The following AHDC1 variants were observed in gnomAD, a reference collection of about 807,000 sequenced individuals.
The protein encoded by AHDC1 is AT-hook DNA binding motif containing 1.
A neutral mutation model predicts 87.9 loss-of-function variants in AHDC1; 7 were observed. The ratio of observed to expected loss-of-function variants is 0.08; its 90% CI spans 0.05 to 0.15. AHDC1 has a LOEUF of 0.15. AHDC1 is among the 10% of genes least tolerant of loss of function. AHDC1 has a pLI of 1.00. For synonymous variants in AHDC1, 1,051 were observed against 1,006.8 expected (o/e 1.04, Z -0.83); for missense variants, 1,841 against 2,253.2 (o/e 0.82, Z 3.70).
chr1:27,595,752 G>A lies in AHDC1; in HGVS notation c.-629+7645C>T, dbSNP rs889542888. Among the ~76,000 whole-genome samples, 8 of 151,966 alleles carry A rather than the reference G, an allele frequency of 5.3e-5. No individual in the cohort carries two copies. Among genetic ancestry groups the A allele is most frequent in the Non-Finnish European group, 1.0e-4 (7 of 67,978 alleles). ...TATCAGAGATGTGCCACAGGCTATC[G>A]TCCGTGCATGCACAGGTATGAGGGC... On this transcript the variant is annotated intron_variant, in intron 3 of 8. Transcript: ENST00000673934. This position sits in a 1 kb window ranked among gnomAD's most constrained non-coding sequence, Gnocchi z 4.0.
At position 27,549,518 on chromosome 1, in the gene AHDC1, C is replaced by T. The variant is rs147692518; in HGVS notation, c.2598G>A (p.Lys866=). The change falls in exon 8 of 9, where the codon AAG becomes AAA. Residue 866 remains lysine, a synonymous_variant. Coordinates refer to ENST00000673934, the MANE Select transcript of AHDC1 (RefSeq NM_001371928.1). ...ALSASRPESR[K]ASGTYAGPPT... ...GTGGCCCTGCATAGGTGCCCGATGCCTTCCGGGACTCTGGGCGAGAGGCTG... is the reference window on the plus strand; with the variant it reads ...GTGGCCCTGCATAGGTGCCCGATGCTTTCCGGGACTCTGGGCGAGAGGCTG... 2.9e-5 allele frequency: 46 copies of T among 1,613,196 alleles called. No homozygotes were observed. The African/African-American group carries it at 5.6e-4, about 20-fold the overall frequency.
At chr1:27,602,416 C>T (rs1046024985) in intron 3 of AHDC1, among the ~76,000 whole-genome samples, 2 of 152,194 alleles carry the variant, frequency 1.3e-5, no homozygotes, top group African/African-American at 4.8e-5. Flanking sequence ...GGGGAACCCC[C>T]CCAAGCTCCC....
chr1:27,602,733 G>A (rs2089566494), intron 3 of AHDC1, among the ~76,000 whole-genome samples: 2 of 152,144 alleles, frequency 1.3e-5, no homozygotes, highest in Admixed American at 6.5e-5. Flanking sequence ...TTATGCAAAA[G>A]TGAGCCGACT....
chr1:27,544,316 G>A (rs150058310), intron 8 of AHDC1, among the ~76,000 whole-genome samples: 450 of 152,298 alleles, frequency 3.0e-3, no homozygotes, highest in Middle Eastern at 0.01. Flanking sequence ...ACACCCAGCT[G>A]TCCAGCAAAT....
chr1:27,571,095 C>T (rs1333975064), intron 3 of AHDC1, among the ~76,000 whole-genome samples: 2 of 152,168 alleles, frequency 1.3e-5, no homozygotes, highest in African/African-American at 4.8e-5. Flanking sequence ...ACTCTACTTC[C>T]TGTGGCCAGA....
In AHDC1 at chr1:27,551,535, C is replaced by CTGGGCCGCTCCGACTTGGCGTGTGGGG. The variant is rs775828003; in HGVS notation, c.554_580dup (p.Thr185_Pro193dup). ...AGGCTCAGGCTCGTAGAGGGGATGG[C>CTGGGCCGCTCCGACTTGGCGTGTGGGG]TGGGCCGCTCCGACTTGGCGTGTGG... On this transcript the variant is annotated inframe_insertion, in exon 8 of 9. Coordinates refer to ENST00000673934, the MANE Select transcript of AHDC1 (RefSeq NM_001371928.1). 1.2e-6 allele frequency: 2 copies of CTGGGCCGCTCCGACTTGGCGTGTGGGG among 1,605,048 alleles called. No individual in the cohort carries two copies. Among genetic ancestry groups the CTGGGCCGCTCCGACTTGGCGTGTGGGG allele is most frequent in the Non-Finnish European group, 1.7e-6 (2 of 1,175,104 alleles).
At chr1:27,539,835 A>G (rs58281724) in intron 8 of AHDC1, among the ~76,000 whole-genome samples, 20,189 of 152,038 alleles carry the variant, frequency 0.13, 1,918 homozygotes, top group African/African-American at 0.27. Context: ...GGTTCTTCTC[A>G]TCTCCCCAGC....
chr1:27,551,872 C>T lies in AHDC1; in HGVS notation c.244G>A (p.Asp82Asn), dbSNP rs1194222751. The T allele has an allele frequency of 5.8e-5, 94 of 1,608,122 alleles. No individual in the cohort carries two copies. Among genetic ancestry groups the T allele is most frequent in the Non-Finnish European group, 7.8e-5 (92 of 1,177,886 alleles). ...CGGGCTGCCCGTGGGGGCAGCGGGT[C>T]GTCCCCCTTGGCAAGGACTGGTGGG... ...RRPPVLAKGD[D>N]PLPPRAARPV... Residue 82 changes from aspartate to asparagine, a missense_variant, in exon 8 of 9, where the codon GAC becomes AAC. By Grantham distance (23) the Asp-to-Asn change is conservative (BLOSUM62 1). This residue lies in a region of AHDC1 where 142 missense variants were observed against 165.6 expected (regional missense o/e 0.86). Coordinates refer to ENST00000673934, the MANE Select transcript of AHDC1 (RefSeq NM_001371928.1).
intron 3 of AHDC1, among the ~76,000 whole-genome samples, chr1:27,583,485 C>T (rs962785784): frequency 2.0e-5 from 3 of 152,166 alleles, no homozygotes; most frequent in Non-Finnish European, 2.9e-5. Flanking sequence ...AAAACCCACT[C>T]GGGGAGTGTA....
intron 8 of AHDC1, among the ~76,000 whole-genome samples, chr1:27,544,309 C>A (rs1216477791): frequency 6.6e-6 from 1 of 152,188 alleles, no homozygotes; most frequent in Non-Finnish European, 1.5e-5. Context: ...GACCACAACA[C>A]CCAGCTGTCC....
Position 27,550,383 on chromosome 1 carries a change from G to A in AHDC1, c.1733C>T (p.Thr578Ile). 6.2e-7 allele frequency: 1 copy of A among 1,613,440 alleles called. No individual in the cohort carries two copies. Among genetic ancestry groups the A allele is most frequent in the Non-Finnish European group, 8.5e-7 (1 of 1,179,642 alleles). Residue 578 changes from threonine (T) to isoleucine (I), a missense_variant, in exon 8 of 9, where the codon ACC (threonine) becomes ATC (isoleucine). Transcript: ENST00000673934. Reference sequence around the variant, plus strand: ...TTTTTTTACCTCTGGCATGGCCATGGTGGCCGCTGCCACAGTGGCTGCCTC... The same window carrying A: ...TTTTTTTACCTCTGGCATGGCCATGATGGCCGCTGCCACAGTGGCTGCCTC... ...AAEAATVAAA[T>I]MAMPEVKKRR...
At chr1:27,538,821 C>G (rs1185570252) in intron 8 of AHDC1, among the ~76,000 whole-genome samples, 1 of 152,052 alleles carries the variant, frequency 6.6e-6, no homozygotes, top group Non-Finnish European at 1.5e-5. Flanking sequence ...GCCTGAGTTT[C>G]TATTCTATAA....
chr1:27,548,648 C>T lies in AHDC1; in HGVS notation c.3468G>A (p.Gln1156=). 6.2e-7 allele frequency: 1 copy of T among 1,613,460 alleles called. No homozygotes were observed. Residue 1156 remains glutamine, a synonymous_variant, in exon 8 of 9, where the codon CAG becomes CAA. Transcript: ENST00000673934. ...SNYTPQKVKQ[Q]TAVSETFSES... ...CAGAGAAGGTCTCCGACACAGCCGT[C>T]TGCTGCTTCACCTTCTGCGGTGTGT...
chr1:27,558,855 G>A lies in AHDC1; in HGVS notation c.-600C>T, dbSNP rs189880324. 28 of 398,682 alleles carry A rather than the reference G, an allele frequency of 7.0e-5. No homozygotes were observed. The highest frequency in any genetic ancestry group is 6.3e-4 in the Middle Eastern group (1 of 1,588). The allele number at this position is 398,682 out of a possible 1,614,324, so 24.7% of individuals were successfully genotyped here. On this transcript the variant is annotated 5_prime_UTR_variant, in exon 4 of 9. Transcript: ENST00000673934. The surrounding 1 kb of genome is among the most constrained non-coding windows in gnomAD (Gnocchi z 5.6). The stretch of plus-strand genomic sequence containing the variant: ...CTGGGTGGGCTCTGGGGTCCAGGCC[G>A]ATGGGTTGACAATCAGGCAAGCTCC...
Position 27,595,674 on chromosome 1 carries a change from C to T in AHDC1, c.-629+7723G>A, listed in dbSNP as rs764269967. 7.3e-5 allele frequency among the ~76,000 whole-genome samples: 11 copies of T among 151,690 alleles called. No individual in the cohort carries two copies. Among genetic ancestry groups the T allele is most frequent in the Non-Finnish European group, 1.0e-4 (7 of 67,924 alleles). ...GGGTACCTGCAAGGGTCTGGGGAGG[C>T]GTTAGAGACCTGAGGTCCCTCCATA... On this transcript the variant is annotated intron_variant, in intron 3 of 8. Coordinates refer to ENST00000673934, the MANE Select transcript of AHDC1 (RefSeq NM_001371928.1). This position sits in a 1 kb window ranked among gnomAD's most constrained non-coding sequence, Gnocchi z 4.0.
Position 27,549,352 on chromosome 1 carries a change from G to C in AHDC1, c.2764C>G (p.Pro922Ala), listed in dbSNP as rs2019386936. The change falls in exon 8 of 9, where the codon CCA (proline) becomes GCA (alanine). Residue 922 changes from proline to alanine, a missense_variant. Transcript: ENST00000673934. ...CCATAGCTTGCTGCTCGTCCTGGTG[G>C]GAAGGTCTGGCGCGCGGACAGGACA... ...QPVLSARQTF[P>A]PGRAASYGLT... is the part of the protein sequence containing the mutation. 6.2e-7 allele frequency: 1 copy of C among 1,612,650 alleles called. No individual in the cohort carries two copies. Among genetic ancestry groups the C allele is most frequent in the African/African-American group, 1.3e-5 (1 of 74,978 alleles).
rs1256015264 is a variant in AHDC1 at position 27,560,827 on chromosome 1, G to T, written c.-628-1944C>A. ...ACAACGGTGCCCCAGGGTTTGTGTG[G>T]TACCTTTGTGAAGGGCTCAGTGTGT... On this transcript the variant is annotated intron_variant, in intron 3 of 8. Coordinates refer to ENST00000673934, the MANE Select transcript of AHDC1 (RefSeq NM_001371928.1). The surrounding 1 kb of genome is among the most constrained non-coding windows in gnomAD (Gnocchi z 4.1). Among the ~76,000 whole-genome samples, 2 of 152,024 alleles carry T rather than the reference G, an allele frequency of 1.3e-5. No individual in the cohort carries two copies. Among genetic ancestry groups the T allele is most frequent in the African/African-American group, 2.4e-5 (1 of 41,342 alleles).
At chr1:27,543,755 C>T (rs2019034657) in intron 8 of AHDC1, among the ~76,000 whole-genome samples, 1 of 152,146 alleles carries the variant, frequency 6.6e-6, no homozygotes, top group Admixed American at 6.5e-5. Flanking sequence ...ACAGCCTGAC[C>T]AATGTGGTGA....
intron 3 of AHDC1, among the ~76,000 whole-genome samples, chr1:27,592,010 C>CCAGG (rs1291599243): frequency 3.3e-5 from 5 of 152,196 alleles, no homozygotes; most frequent in Non-Finnish European, 5.9e-5. Context: ...CATCCTTGAG[C>CCAGG]CAGGTCAGGA....
Sources: allele counts gnomAD v4.1 joint callset (sites outside exome capture counted in the v4.1 genomes callset), GRCh38; gene constraint gnomAD v4.1.1; regional missense constraint gnomAD v4.1.1; non-coding constraint Gnocchi (gnomAD v3.1); transcripts MANE v1.5; gene names NCBI Gene and HGNC (gene_info 2026-07-23, HGNC 2026-07-21).